CNTNAP5: variants seen among roughly 807,000 people sequenced by gnomAD.
The protein encoded by CNTNAP5 is contactin associated protein family member 5, also known as contactin-associated protein-like 5.
CNTNAP5 carries 72 observed loss-of-function variants against 150.2 expected under a neutral mutation model. The observed-to-expected ratio is 0.48, with a 90% CI of 0.40 to 0.58. The LOEUF (loss-of-function observed/expected upper bound fraction) is 0.58, where lower values mean the gene tolerates loss of function less well. CNTNAP5 is among the 20% of genes least tolerant of loss of function. CNTNAP5 has a pLI of 0.00. For synonymous variants in CNTNAP5, 672 were observed against 619.8 expected, an observed-to-expected ratio of 1.08 and a Z score of -1.25; for missense variants, 1,636 against 1,626.2, an observed-to-expected ratio of 1.01 and a Z score of -0.10.
chr2:124,643,568 A>T (rs1678139484), intron 12 of CNTNAP5, among the ~76,000 whole-genome samples: 1 of 152,176 alleles, frequency 6.6e-6, no homozygotes, highest in Non-Finnish European at 1.5e-5. Flanking sequence ...AGTCCATCGC[A>T]CTTGTTAACC....
intron 13 of CNTNAP5, among the ~76,000 whole-genome samples, chr2:124,705,970 A>G (rs1679628859): frequency 1.3e-5 from 2 of 152,142 alleles, no homozygotes; most frequent in South Asian, 2.1e-4. Flanking sequence ...TAGGCCTCTG[A>G]TCATCACAGG....
intron 10 of CNTNAP5, among the ~76,000 whole-genome samples, chr2:124,545,650 G>A (rs755399349): frequency 8.5e-5 from 13 of 152,086 alleles, no homozygotes; most frequent in Non-Finnish European, 1.6e-4. Flanking sequence ...TGAATTTCAG[G>A]CCTTATCATG....
intron 1 of CNTNAP5, among the ~76,000 whole-genome samples, chr2:124,098,009 C>T (rs971371340): frequency 2.0e-5 from 3 of 151,736 alleles, no homozygotes; most frequent in African/African-American, 7.3e-5. Flanking sequence ...GCCTGGGCGA[C>T]AGAGCGAGAC....
At chr2:124,654,825 G>C (rs991853379) in intron 13 of CNTNAP5, among the ~76,000 whole-genome samples, 1 of 151,624 alleles carries the variant, frequency 6.6e-6, no homozygotes, top group Non-Finnish European at 1.5e-5. Flanking sequence ...GGGTAGAACT[G>C]ATCCCCAGTG....
chr2:124,089,937 AT>A (rs1247852015), intron 1 of CNTNAP5, among the ~76,000 whole-genome samples: 1 of 152,216 alleles, frequency 6.6e-6, no homozygotes, highest in Non-Finnish European at 1.5e-5. Context: ...CACATATGTC[AT>A]TATGACCATC....
At chr2:124,085,693 G>A (rs1209223667) in intron 1 of CNTNAP5, among the ~76,000 whole-genome samples, 1 of 151,994 alleles carries the variant, frequency 6.6e-6, no homozygotes, top group Non-Finnish European at 1.5e-5. Context: ...AATTTTAATA[G>A]GTTGTATCTT....
At position 124,862,057 on chromosome 2, in the gene CNTNAP5, G is replaced by C. The variant is rs62173281; in HGVS notation, c.3218-3249G>C. Among the ~76,000 whole-genome samples, 539 of 152,206 alleles carry C rather than the reference G, an allele frequency of 3.5e-3. 7 individuals are homozygous for C. The South Asian group carries it at 0.041, about 12-fold the overall frequency. ...TCGAACTCCTGACCTCAGGTGATCT[G>C]CCTGCCTTGGCCTCCCAAAGTGCTG... On this transcript the variant is annotated intron_variant, in intron 19 of 23. Transcript: ENST00000682447.
At chr2:124,744,279 T>C (rs1680561338) in intron 13 of CNTNAP5, among the ~76,000 whole-genome samples, 1 of 152,160 alleles carries the variant, frequency 6.6e-6, no homozygotes, top group South Asian at 2.1e-4. Context: ...TGGCACTCAG[T>C]TCTCTCTTAT....
intron 3 of CNTNAP5, among the ~76,000 whole-genome samples, chr2:124,358,076 A>G (rs185353537): frequency 2.1e-4 from 32 of 152,224 alleles, no homozygotes; most frequent in African/African-American, 6.5e-4. Context: ...GCAACTGTGA[A>G]TGGGAGTTCA....
chr2:124,384,947 G>A (rs1256481444), intron 3 of CNTNAP5, among the ~76,000 whole-genome samples: 1 of 152,150 alleles, frequency 6.6e-6, no homozygotes, highest in African/African-American at 2.4e-5. Context: ...TCCAGAAGAA[G>A]ACAGAGATGC....
chr2:124,690,590 C>T (rs1679281209), intron 13 of CNTNAP5, among the ~76,000 whole-genome samples: 1 of 152,062 alleles, frequency 6.6e-6, no homozygotes, highest in Admixed American at 6.6e-5. Context: ...CCCTCTGTGA[C>T]CCTGCTCCCT....
At chr2:124,234,500 A>G (rs556914655) in intron 2 of CNTNAP5, among the ~76,000 whole-genome samples, 2 of 152,312 alleles carry the variant, frequency 1.3e-5, no homozygotes, top group South Asian at 4.1e-4. Flanking sequence ...ACCATATTGA[A>G]CAATTAGTTT....
At chr2:124,237,366 T>G (rs1440355583) in intron 2 of CNTNAP5, among the ~76,000 whole-genome samples, 2 of 152,194 alleles carry the variant, frequency 1.3e-5, no homozygotes, top group African/African-American at 2.4e-5. Context: ...GAAATAAGTG[T>G]AGAAACTGAG....
chr2:124,379,052 A>G (rs778776306), intron 3 of CNTNAP5, among the ~76,000 whole-genome samples: 1 of 152,098 alleles, frequency 6.6e-6, no homozygotes, highest in Non-Finnish European at 1.5e-5. Context: ...AGAAAGTACA[A>G]AAATTTCCCA....
At chr2:124,341,521 C>G (rs1250270542) in intron 3 of CNTNAP5, among the ~76,000 whole-genome samples, 2 of 152,096 alleles carry the variant, frequency 1.3e-5, no homozygotes, top group Admixed American at 6.6e-5. Flanking sequence ...ATTAAACAAG[C>G]CTTCCATTTC....
chr2:124,070,944 T>C (rs537501875), intron 1 of CNTNAP5, among the ~76,000 whole-genome samples: 1 of 152,144 alleles, frequency 6.6e-6, no homozygotes, highest in East Asian at 1.9e-4. Context: ...GACCATATAG[T>C]AGACCTCAAT....
chr2:124,265,146 T>C (rs1573877175), intron 3 of CNTNAP5, among the ~76,000 whole-genome samples: 1 of 152,190 alleles, frequency 6.6e-6, no homozygotes, highest in Non-Finnish European at 1.5e-5. Context: ...TAAAATAATG[T>C]CCAGCCTCTC....
chr2:124,688,723 C>A (rs548982590), intron 13 of CNTNAP5, among the ~76,000 whole-genome samples: 1 of 152,098 alleles, frequency 6.6e-6, no homozygotes, highest in South Asian at 2.1e-4. Context: ...ATCAGATGGA[C>A]CTTTTAAGCA....
intron 5 of CNTNAP5, among the ~76,000 whole-genome samples, chr2:124,435,614 T>A (rs886387666): frequency 7.9e-5 from 12 of 152,210 alleles, no homozygotes; most frequent in African/African-American, 2.9e-4. Context: ...TATCTTTTTG[T>A]CTTCACTATA....
Sources: allele counts gnomAD v4.1 joint callset (sites outside exome capture counted in the v4.1 genomes callset), GRCh38; gene constraint gnomAD v4.1.1; transcripts MANE v1.5; gene names NCBI Gene and HGNC (gene_info 2026-07-23, HGNC 2026-07-21).